The following NCKAP5 variants were observed in gnomAD, a reference collection of about 807,000 sequenced individuals.
NCKAP5 encodes nck-associated protein 5.
In NCKAP5, 92 loss-of-function variants were observed where a neutral mutation model predicts 167.0. That is an observed-to-expected ratio of 0.55 (90% CI 0.47 to 0.66). NCKAP5 has a LOEUF of 0.66. Among genes scored for constraint, NCKAP5 ranks in the 30% least tolerant of loss-of-function variants. The pLI is 0.00. For synonymous variants in NCKAP5, 891 were observed against 877.4 expected, an observed-to-expected ratio of 1.02 and a Z score of -0.27; for missense variants, 2,378 against 2,315.0, an observed-to-expected ratio of 1.03 and a Z score of -0.56.
the NCKAP5 span, among the ~76,000 whole-genome samples, chr2:133,648,748 CA>C: frequency 6.6e-6 from 1 of 150,574 alleles, no homozygotes; most frequent in South Asian, 2.1e-4. Flanking sequence ...GCAGCAAAAG[CA>C]ATACTAAAAG....
chr2:133,295,815 T>C (rs1679919926), intron 4 of NCKAP5, among the ~76,000 whole-genome samples: 1 of 152,204 alleles, frequency 6.6e-6, no homozygotes, highest in African/African-American at 2.4e-5. Context: ...AAATGAGGCT[T>C]AGGTGATCTG....
intron 3 of NCKAP5, among the ~76,000 whole-genome samples, chr2:133,478,830 T>G (rs1181855104): frequency 6.6e-6 from 1 of 152,022 alleles, no homozygotes; most frequent in Non-Finnish European, 1.5e-5. Flanking sequence ...TCGCACAAGA[T>G]AAGACACTAA....
chr2:133,170,754 T>C (rs534162931), intron 5 of NCKAP5, among the ~76,000 whole-genome samples: 78 of 152,340 alleles, frequency 5.1e-4, no homozygotes, highest in African/African-American at 1.9e-3. Context: ...CCATGGCTTC[T>C]TCTTTTCTAC....
At chr2:133,131,250 A>G (rs900725582) in intron 5 of NCKAP5, among the ~76,000 whole-genome samples, 4 of 152,032 alleles carry the variant, frequency 2.6e-5, no homozygotes, top group African/African-American at 9.7e-5. Flanking sequence ...CTGCCTCTGT[A>G]CCTTTGTTCC....
At chr2:133,411,986 A>G (rs1267093511) in intron 3 of NCKAP5, among the ~76,000 whole-genome samples, 1 of 152,182 alleles carries the variant, frequency 6.6e-6, no homozygotes, top group Admixed American at 6.5e-5. Flanking sequence ...ACTCCTGTTC[A>G]TCTGCATATC....
At chr2:132,950,685 GA>G (rs1255875232) in intron 8 of NCKAP5, among the ~76,000 whole-genome samples, 1 of 152,114 alleles carries the variant, frequency 6.6e-6, no homozygotes, top group Non-Finnish European at 1.5e-5. Context: ...TTTATCATAC[GA>G]ACTTAGAAAC....
chr2:133,389,043 C>T (rs1687211344), intron 3 of NCKAP5, among the ~76,000 whole-genome samples: 1 of 152,206 alleles, frequency 6.6e-6, no homozygotes, highest in African/African-American at 2.4e-5. Flanking sequence ...ACCCACTGTC[C>T]TGCACCCACT....
intron 3 of NCKAP5, among the ~76,000 whole-genome samples, chr2:133,450,085 G>A (rs2151194806): frequency 6.6e-6 from 1 of 152,170 alleles, no homozygotes; most frequent in African/African-American, 2.4e-5. Flanking sequence ...TCTACTTGAG[G>A]CAATACAGGC....
intron 3 of NCKAP5, among the ~76,000 whole-genome samples, chr2:133,415,782 T>C (rs1689074241): frequency 6.6e-6 from 1 of 152,254 alleles, no homozygotes; most frequent in Admixed American, 6.5e-5. Context: ...TCAAAGTCTC[T>C]CTTTGTGAGG....
intron 6 of NCKAP5, among the ~76,000 whole-genome samples, chr2:132,997,867 G>T (rs999991151): frequency 6.6e-6 from 1 of 151,958 alleles, no homozygotes; most frequent in African/African-American, 2.4e-5. Context: ...AGAACCCATT[G>T]CTAATACTTG....
rs1324332097 is a variant in NCKAP5, at chr2:132,785,363, G to A, written c.1448C>T (p.Ser483Phe). The change falls in exon 14 of 20, where the codon TCC (serine) becomes TTC (phenylalanine). Residue 483 changes from serine to phenylalanine, a missense_variant. Ser to Phe is a radical substitution (Grantham distance 155). This residue lies in a region of NCKAP5 where 1,049 missense variants were observed against 1,023.4 expected (regional missense o/e 1.02). Transcript: ENST00000409261. ...DSHVDADDDP[S>F]TLALLQAVPN... is the part of the protein sequence containing the mutation. ...AACTGCTTGGAGCAATGCTAAGGTG[G>A]AAGGGTCATCGTCCGCATCAACGTG... 1.2e-6 allele frequency: 2 copies of A among 1,613,980 alleles called. No individual in the cohort carries two copies. Among genetic ancestry groups the A allele is most frequent in the Non-Finnish European group, 8.5e-7 (1 of 1,179,888 alleles).
At chr2:133,324,923 G>T (rs576302349) in intron 3 of NCKAP5, among the ~76,000 whole-genome samples, 1 of 152,216 alleles carries the variant, frequency 6.6e-6, no homozygotes, top group African/African-American at 2.4e-5. Context: ...GACCAGGCTG[G>T]TCTCGAAGTC....
intron 5 of NCKAP5, among the ~76,000 whole-genome samples, chr2:133,140,197 G>A (rs2149834529): frequency 6.6e-6 from 1 of 152,202 alleles, no homozygotes; most frequent in Admixed American, 6.5e-5. Flanking sequence ...CTTCATACTT[G>A]ACTGAAGTCT....
chr2:132,691,711 A>G (rs926677621), intron 19 of NCKAP5, among the ~76,000 whole-genome samples: 1 of 152,138 alleles, frequency 6.6e-6, no homozygotes, highest in African/African-American at 2.4e-5. Context: ...GACATCTCCG[A>G]CCAGAAACAT....
intron 6 of NCKAP5, among the ~76,000 whole-genome samples, chr2:133,088,020 G>A (rs888859406): frequency 6.6e-6 from 1 of 152,188 alleles, no homozygotes; most frequent in Non-Finnish European, 1.5e-5. Context: ...TACCAGGGCT[G>A]TATTTTCCCT....
intron 5 of NCKAP5, among the ~76,000 whole-genome samples, chr2:133,203,015 T>G (rs567363393): frequency 1.4e-3 from 219 of 152,254 alleles, no homozygotes; most frequent in African/African-American, 4.3e-3. Context: ...AGAAACACCA[T>G]TTGACCCAGC....
At chr2:132,803,276 T>A (rs1685175774) in intron 11 of NCKAP5, among the ~76,000 whole-genome samples, 1 of 152,240 alleles carries the variant, frequency 6.6e-6, no homozygotes, top group South Asian at 2.1e-4. Context: ...TTTTAAGCCA[T>A]CTGCAACAGT....
At chr2:132,688,178 T>C (rs1350294850) in intron 19 of NCKAP5, among the ~76,000 whole-genome samples, 1 of 152,192 alleles carries the variant, frequency 6.6e-6, no homozygotes, top group East Asian at 1.9e-4. Flanking sequence ...AAGAAAAAGC[T>C]GTAAAATTGT....
chr2:133,186,131 T>C (rs190332834), intron 5 of NCKAP5, among the ~76,000 whole-genome samples: 1 of 152,248 alleles, frequency 6.6e-6, no homozygotes, highest in Admixed American at 6.5e-5. Context: ...TTGAGGTATG[T>C]TCCTTCGATG....
Sources: allele counts gnomAD v4.1 joint callset (sites outside exome capture counted in the v4.1 genomes callset), GRCh38; gene constraint gnomAD v4.1.1; regional missense constraint gnomAD v4.1.1; transcripts MANE v1.5; gene names NCBI Gene and HGNC (gene_info 2026-07-23, HGNC 2026-07-21).